TRIM15: variants seen among roughly 807,000 people sequenced by gnomAD.
TRIM15 encodes the protein E3 ubiquitin-protein ligase TRIM15.
TRIM15 carries 35 observed loss-of-function variants against 35.8 expected under a neutral mutation model. That is an observed-to-expected ratio of 0.98 (90% CI 0.75 to 1.30). The LOEUF (loss-of-function observed/expected upper bound fraction) is 1.30. Ranked by LOEUF, TRIM15 falls within the 50% of genes most tolerant of loss-of-function variation. The probability of loss-of-function intolerance (pLI) is 0.00; values close to 1 mark genes in which losing one functional copy is unlikely to be tolerated. For missense variants in TRIM15, 590 were observed against 593.5 expected, an observed-to-expected ratio of 0.99 and a Z score of 0.06; for synonymous variants, 252 against 249.8, an observed-to-expected ratio of 1.01 and a Z score of -0.08.
chr6:30,165,675 C>T (rs1773547276), intron 1 of TRIM15, among the ~76,000 whole-genome samples: 2 of 152,154 alleles, frequency 1.3e-5, no homozygotes, highest in Admixed American at 1.3e-4. Flanking sequence ...GAGGAGTTGC[C>T]ACACTGTCTT....
At position 30,163,624 on chromosome 6, in the gene TRIM15, G is replaced by C; in HGVS notation, c.-61G>C. On this transcript the variant is annotated 5_prime_UTR_variant, in exon 1 of 7. Coordinates refer to ENST00000376694, the MANE Select transcript of TRIM15 (RefSeq NM_033229.3). ...TTCATGTAAGTGTGACTCGATTTCA[G>C]GGAAAGGGAACTCGCGTGGGCTGAG... The C allele has an allele frequency of 1.3e-6, 2 of 1,528,358 alleles. No individual in the cohort carries two copies. Among genetic ancestry groups the C allele is most frequent in the Non-Finnish European group, 1.8e-6 (2 of 1,138,094 alleles). 94.7% of individuals were successfully genotyped at this position (1,528,358 alleles called of 1,614,324 possible).
At position 30,172,650 on chromosome 6, in the gene TRIM15, A is replaced by G. The variant is rs1489728852; in HGVS notation, c.*301A>G. ...GAGCCAGCGGGCTTTCGGGGAAAAA[A>G]AAGAAAAAGACATCTAAAATAAAAT... On this transcript the variant is annotated 3_prime_UTR_variant, in exon 7 of 7. Transcript: ENST00000376694. 5 of 619,978 alleles carry G rather than the reference A, an allele frequency of 8.1e-6. No homozygotes were observed. Among genetic ancestry groups the G allele is most frequent in the Non-Finnish European group, 1.5e-5 (5 of 342,392 alleles). 38.4% of individuals were successfully genotyped at this position (619,978 alleles called of 1,614,324 possible).
chr6:30,171,988 C>T lies in TRIM15; in HGVS notation c.1037C>T (p.Ser346Phe). The T allele has an allele frequency of 2.5e-6, 4 of 1,581,896 alleles. No individual in the cohort carries two copies. Among genetic ancestry groups the T allele is most frequent in the South Asian group, 1.1e-5 (1 of 87,322 alleles). ...PAVLGFPGFSSGRHRWQVDLQ... is the reference protein window; with the variant it reads ...PAVLGFPGFSFGRHRWQVDLQ... ...GTTCTGGGCTTCCCGGGCTTCTCCT[C>T]CGGGCGCCACCGCTGGCAGGTTGAC... is the stretch of plus-strand genomic sequence containing the variant. Residue 346 changes from serine to phenylalanine, a missense_variant, in exon 7 of 7, where the codon TCC (serine) becomes TTC (phenylalanine). Coordinates refer to ENST00000376694, the MANE Select transcript of TRIM15 (RefSeq NM_033229.3).
At position 30,163,570 on chromosome 6, in the gene TRIM15, C is replaced by A. The variant is rs1307245876; in HGVS notation, c.-115C>A. On this transcript the variant is annotated 5_prime_UTR_variant, in exon 1 of 7. Transcript: ENST00000376694. ...TCTCTCTCTTTCTCTCTCTCTGTCT[C>A]TTAGCCTTGCAGCCGTTTCCCTCTG... is the stretch of plus-strand genomic sequence containing the variant. 3 of 1,352,602 alleles carry A rather than the reference C, an allele frequency of 2.2e-6. No homozygotes were observed. Among genetic ancestry groups the A allele is most frequent in the Non-Finnish European group, 3.0e-6 (3 of 1,006,078 alleles). 83.8% of individuals were successfully genotyped at this position (1,352,602 alleles called of 1,614,324 possible). A position where few individuals can be genotyped will look rare whatever the true frequency, so the allele number is the denominator to read the frequency against.
intron 3 of TRIM15, among the ~76,000 whole-genome samples, chr6:30,169,040 A>G (rs1419289081): frequency 6.6e-6 from 1 of 152,322 alleles, no homozygotes; most frequent in East Asian, 1.9e-4. Flanking sequence ...GGAAACCAGC[A>G]CAAATGAACT....
At chr6:30,170,888 C>T in intron 5 of TRIM15, 88 bp from the exon 6 acceptor site, 1 of 1,459,518 alleles carries the variant, frequency 6.9e-7, no homozygotes, top group South Asian at 1.3e-5. Flanking sequence ...TCCTCATCTT[C>T]ACATTGTACT....
At position 30,168,224 on chromosome 6, in the gene TRIM15, A is replaced by G. The variant is rs533668939; in HGVS notation, c.478-76A>G. ...TGCTCCCTATCCCTGTTAATCAATAATAAGTATATAGATGATCATCCTGGA... is the reference window on the plus strand; with the variant it reads ...TGCTCCCTATCCCTGTTAATCAATAGTAAGTATATAGATGATCATCCTGGA... On this transcript the variant is annotated intron_variant, in intron 2 of 6. Coordinates refer to ENST00000376694, the MANE Select transcript of TRIM15 (RefSeq NM_033229.3). 15 of 1,261,554 alleles carry G rather than the reference A, an allele frequency of 1.2e-5. No homozygotes were observed. In the African/African-American group the frequency reaches 2.2e-4, roughly 19 times the overall value. 78.1% of individuals were successfully genotyped at this position (1,261,554 alleles called of 1,614,324 possible). A position where few individuals can be genotyped will look rare whatever the true frequency, so the allele number is the denominator to read the frequency against.
rs183322333 is a variant in TRIM15, at chr6:30,166,370, C to T, written c.382-806C>T. ...ATTTATTAAATAGGGAATCCTTTCC[C>T]CATTGCTTGTTTTTGTCAGGTTTGT... On this transcript the variant is annotated intron_variant, in intron 1 of 6. Coordinates refer to ENST00000376694, the MANE Select transcript of TRIM15 (RefSeq NM_033229.3). Among the ~76,000 whole-genome samples the T allele has an allele frequency of 5.9e-5, 9 of 152,260 alleles. 1 individual carries two copies. The East Asian group carries it at 1.7e-3, about 29-fold the overall frequency.
chr6:30,172,662 A>C lies in TRIM15; in HGVS notation c.*313A>C. The stretch of plus-strand genomic sequence containing the variant: ...TTTCGGGGAAAAAAAAGAAAAAGAC[A>C]TCTAAAATAAAATGTTTAAACTGTT... On this transcript the variant is annotated 3_prime_UTR_variant, in exon 7 of 7. Transcript: ENST00000376694. 1 of 591,866 alleles carries C rather than the reference A, an allele frequency of 1.7e-6. No individual in the cohort carries two copies. Among genetic ancestry groups the C allele is most frequent in the Non-Finnish European group, 3.1e-6 (1 of 325,524 alleles). 36.7% of individuals were successfully genotyped at this position (591,866 alleles called of 1,614,324 possible). A position where few individuals can be genotyped will look rare whatever the true frequency, so the allele number is the denominator to read the frequency against.
At chr6:30,171,755 C>T (rs1774028410) in intron 6 of TRIM15, 77 bp from the exon 7 acceptor site, 1 of 1,439,242 alleles carries the variant, frequency 6.9e-7, no homozygotes, top group African/African-American at 1.4e-5. Flanking sequence ...CTCCTTCTGC[C>T]TCCCACGTGC....
rs775096895 is a variant in TRIM15, at chr6:30,167,138, A to T, written c.382-38A>T. On this transcript the variant is annotated intron_variant, in intron 1 of 6. Transcript: ENST00000376694. ...TTAATAATTGTGAGTTGAATTATTAATTCAGTCACCTCTATCCACCCATTC... is the reference window on the plus strand; with the variant it reads ...TTAATAATTGTGAGTTGAATTATTATTTCAGTCACCTCTATCCACCCATTC... 10 of 1,546,326 alleles carry T rather than the reference A, an allele frequency of 6.5e-6. No homozygotes were observed. The Middle Eastern group carries it at 5.1e-4, about 78-fold the overall frequency.
In TRIM15 at chr6:30,172,647, A is replaced by T; in HGVS notation, c.*298A>T. 1 of 623,390 alleles carries T rather than the reference A, an allele frequency of 1.6e-6. No homozygotes were observed. The highest frequency in any genetic ancestry group is 1.7e-5 in the South Asian group (1 of 59,492). The allele number at this position is 623,390 out of a possible 1,614,324, so 38.6% of individuals were successfully genotyped here. A position where few individuals can be genotyped will look rare whatever the true frequency, so the allele number is the denominator to read the frequency against. ...TAGGAGCCAGCGGGCTTTCGGGGAA[A>T]AAAAAGAAAAAGACATCTAAAATAA... On this transcript the variant is annotated 3_prime_UTR_variant, in exon 7 of 7. Coordinates refer to ENST00000376694, the MANE Select transcript of TRIM15 (RefSeq NM_033229.3).
At position 30,172,475 on chromosome 6, in the gene TRIM15, T is replaced by G; in HGVS notation, c.*126T>G. 2 of 1,371,220 alleles carry G rather than the reference T, an allele frequency of 1.5e-6. No individual in the cohort carries two copies. The highest frequency in any genetic ancestry group is 2.0e-6 in the Non-Finnish European group (2 of 1,005,394). 84.9% of individuals were successfully genotyped at this position (1,371,220 alleles called of 1,614,324 possible). A position where few individuals can be genotyped will look rare whatever the true frequency, so the allele number is the denominator to read the frequency against. ...GAGGCGAGAGAACAGGGGACTTGAG[T>G]CTCGAACAGCGGTTGTTTTTACTTT... On this transcript the variant is annotated 3_prime_UTR_variant, in exon 7 of 7. Coordinates refer to ENST00000376694, the MANE Select transcript of TRIM15 (RefSeq NM_033229.3).
chr6:30,171,634 T>C (rs1340291227), intron 6 of TRIM15, among the ~76,000 whole-genome samples, 198 bp from the exon 7 acceptor site: 2 of 152,224 alleles, frequency 1.3e-5, no homozygotes, highest in Non-Finnish European at 2.9e-5. Flanking sequence ...GGGATGCTGC[T>C]GGTCCCTCCC....
At chr6:30,171,774 C>A (rs1774029383) in intron 6 of TRIM15, 58 bp from the exon 7 acceptor site, 1 of 1,458,342 alleles carries the variant, frequency 6.9e-7, no homozygotes, top group Non-Finnish European at 9.1e-7. Context: ...GCGTTGCCTG[C>A]TCTAGGAACA....
Position 30,163,796 on chromosome 6 carries a change from C to A in TRIM15, c.112C>A (p.Leu38Ile), listed in dbSNP as rs966228893. ...TIPCGHTFCR[L>I]CLPALSQMGA... is the part of the protein sequence containing the mutation. ...TCCCTGTGGACACACCTTCTGCCGG[C>A]TCTGCCTCCCCGCGCTCTCCCAGAT... Residue 38 changes from leucine (L) to isoleucine (I), a missense_variant, in exon 1 of 7, where the codon CTC becomes ATC. Physicochemically the swap from Leu to Ile is conservative, Grantham distance 5. Coordinates refer to ENST00000376694, the MANE Select transcript of TRIM15 (RefSeq NM_033229.3). 3 of 1,612,846 alleles carry A rather than the reference C, an allele frequency of 1.9e-6. No homozygotes were observed. The African/African-American group carries it at 4.0e-5, about 22-fold the overall frequency.
chr6:30,164,427 T>G (rs1773434778), intron 1 of TRIM15, among the ~76,000 whole-genome samples: 2 of 152,210 alleles, frequency 1.3e-5, no homozygotes, highest in Non-Finnish European at 2.9e-5. Flanking sequence ...AAATGGGGTT[T>G]ATAGGGCCCT....
chr6:30,163,773 C>G lies in TRIM15; in HGVS notation c.89C>G (p.Pro30Arg). 2 of 1,613,012 alleles carry G rather than the reference C, an allele frequency of 1.2e-6. No individual in the cohort carries two copies. The highest frequency in any genetic ancestry group is 1.1e-5 in the South Asian group (1 of 91,086). The stretch of plus-strand genomic sequence containing the variant: ...CCGCTGGAGGATGCGGTGACCATTC[C>G]CTGTGGACACACCTTCTGCCGGCTC... Reference protein sequence around the residue: ...AGPLEDAVTIPCGHTFCRLCL... With the variant: ...AGPLEDAVTIRCGHTFCRLCL... Residue 30 changes from proline (P) to arginine (R), a missense_variant, in exon 1 of 7, where the codon CCC becomes CGC. Transcript: ENST00000376694.
At chr6:30,168,614 G>C in intron 3 of TRIM15, 84 bp downstream of exon 3, 3 of 1,311,702 alleles carry the variant, frequency 2.3e-6, no homozygotes, top group Non-Finnish European at 3.2e-6. Flanking sequence ...GCTGGAGAGA[G>C]GCAGGAAAGG....
Sources: gnomAD v4.1 joint callset for allele counts (sites outside exome capture counted in the v4.1 genomes callset) on GRCh38, gnomAD v4.1.1 for gene constraint, MANE v1.5 for transcripts, NCBI Gene and HGNC (gene_info 2026-07-23, HGNC 2026-07-21) for gene names.